The following COL26A1 variants were observed in gnomAD, a reference collection of about 807,000 sequenced individuals.
The protein encoded by COL26A1 is collagen alpha-1(XXVI) chain.
Under a neutral mutation model 59.3 loss-of-function variants are expected in COL26A1, and 41 were observed. The observed-to-expected ratio is 0.69, with a 90% confidence interval of 0.54 to 0.90. COL26A1 has a LOEUF of 0.90. COL26A1 is among the 40% of genes least tolerant of loss of function. The pLI is 0.00. For synonymous variants in COL26A1, 266 were observed against 256.0 expected (o/e 1.04, Z -0.37); for missense variants, 612 against 602.3 (o/e 1.02, Z -0.17).
intron 1 of COL26A1, among the ~76,000 whole-genome samples, chr7:101,377,906 T>A (rs920647795): frequency 2.0e-5 from 3 of 152,202 alleles, no homozygotes; most frequent in African/African-American, 7.2e-5. Flanking sequence ...TTTTAAATTT[T>A]AATTTTTTTA....
chr7:101,385,227 C>CTATATATATATATATATAT, intron 1 of COL26A1, among the ~76,000 whole-genome samples: 1 of 139,402 alleles, frequency 7.2e-6, no homozygotes, highest in African/African-American at 2.6e-5. Flanking sequence ...CACACACACA[C>CTATATATATATATATATAT]ACACTATATA....
intron 1 of COL26A1, among the ~76,000 whole-genome samples, chr7:101,386,671 G>A (rs555273685): frequency 3.2e-4 from 48 of 152,250 alleles, no homozygotes; most frequent in African/African-American, 1.1e-3. Flanking sequence ...GGACCCACTG[G>A]GACAGCGCTG....
At chr7:101,536,954 T>A (rs1397172674) in intron 4 of COL26A1, among the ~76,000 whole-genome samples, 1 of 152,186 alleles carries the variant, frequency 6.6e-6, no homozygotes, top group Non-Finnish European at 1.5e-5. Flanking sequence ...TTACGTTTCA[T>A]GAGCCTGTGC....
At chr7:101,486,038 T>G (rs1423596156) in intron 3 of COL26A1, among the ~76,000 whole-genome samples, 1 of 152,024 alleles carries the variant, frequency 6.6e-6, no homozygotes, top group African/African-American at 2.4e-5. Flanking sequence ...CTGGGCACGG[T>G]GACGGGCACC....
intron 3 of COL26A1, among the ~76,000 whole-genome samples, chr7:101,504,516 C>T (rs1794767129): frequency 6.6e-6 from 1 of 152,176 alleles, no homozygotes; most frequent in Non-Finnish European, 1.5e-5. Flanking sequence ...CCTCGCTCCT[C>T]TCCACTCCAG....
At chr7:101,458,122 C>T (rs1793522112) in intron 3 of COL26A1, among the ~76,000 whole-genome samples, 1 of 152,024 alleles carries the variant, frequency 6.6e-6, no homozygotes, top group African/African-American at 2.4e-5. Context: ...TCTTAAACTC[C>T]TGAGCTCAAG....
chr7:101,531,959 T>G (rs1795379494), intron 3 of COL26A1, among the ~76,000 whole-genome samples: 1 of 152,048 alleles, frequency 6.6e-6, no homozygotes, highest in African/African-American at 2.4e-5. Flanking sequence ...GAGTGGGAGC[T>G]ATTCAGTTAC....
intron 1 of COL26A1, among the ~76,000 whole-genome samples, chr7:101,403,446 G>A (rs1792060175): frequency 6.6e-6 from 1 of 152,108 alleles, no homozygotes. Context: ...TTGAGCCTGG[G>A]AGGCAGAAGT....
chr7:101,555,556 G>A (rs929460495), intron 11 of COL26A1, among the ~76,000 whole-genome samples: 1 of 152,136 alleles, frequency 6.6e-6, no homozygotes, highest in Non-Finnish European at 1.5e-5. Flanking sequence ...CCGTGGGGAG[G>A]TTGCCTGCCC....
At position 101,498,415 on chromosome 7, in the gene COL26A1, A is replaced by G. The variant is rs185881966; in HGVS notation, c.386-34667A>G. 4.2e-3 allele frequency among the ~76,000 whole-genome samples: 633 copies of G among 152,264 alleles called. 4 individuals are homozygous for G. Among genetic ancestry groups the G allele is most frequent in the Middle Eastern group, 6.8e-3 (2 of 294 alleles). On this transcript the variant is annotated intron_variant, in intron 3 of 12. Transcript: ENST00000313669. ...AACATCCTGCCTTTGGGGACCTCAG[A>G]GTTACACCAGAATGATAGAGAGAGG...
intron 2 of COL26A1, among the ~76,000 whole-genome samples, chr7:101,442,233 A>G (rs1042803513): frequency 1.6e-5 from 1 of 60,768 alleles, no homozygotes; most frequent in African/African-American, 4.4e-5. Context: ...TTTAATCTAA[A>G]CAAAAGCTCT....
chr7:101,440,934 G>A lies in COL26A1; in HGVS notation c.282-6750G>A, dbSNP rs150545223. ...AGAAGTTGCAGTGAGCCACGATTGC[G>A]CCACTGCACTCCAGCCTGGCGACAG... On this transcript the variant is annotated intron_variant, in intron 2 of 12. Coordinates refer to ENST00000313669, the MANE Select transcript of COL26A1 (RefSeq NM_001278563.3). Among the ~76,000 whole-genome samples the A allele has an allele frequency of 3.7e-3, 550 of 149,252 alleles. 1 individual carries two copies. Among genetic ancestry groups the A allele is most frequent in the African/African-American group, 0.013 (525 of 40,682 alleles).
Position 101,463,808 on chromosome 7 carries a change from T to C in COL26A1, c.385+16021T>C, listed in dbSNP as rs192011022. On this transcript the variant is annotated intron_variant, in intron 3 of 12. Coordinates refer to ENST00000313669, the MANE Select transcript of COL26A1 (RefSeq NM_001278563.3). ...TTCTTCCTTTCTTTCTCTCTCTCTT[T>C]CTTCCCTCCCTCCCTTCCTTCCTCC... is the stretch of plus-strand genomic sequence containing the variant. Among the ~76,000 whole-genome samples the C allele has an allele frequency of 4.1e-3, 528 of 129,952 alleles. 5 individuals carry two copies. Among genetic ancestry groups the C allele is most frequent in the Middle Eastern group, 0.012 (3 of 254 alleles). The allele number at this position is 129,952 out of a possible 152,430, so 85.3% of individuals were successfully genotyped here.
intron 3 of COL26A1, among the ~76,000 whole-genome samples, chr7:101,527,896 C>G (rs571178811): frequency 1.3e-5 from 2 of 152,226 alleles, no homozygotes; most frequent in Non-Finnish European, 2.9e-5. Context: ...CTCCTCTGGT[C>G]ACAGAGCCAG....
At chr7:101,409,183 C>T (rs1176222470) in intron 1 of COL26A1, among the ~76,000 whole-genome samples, 4 of 152,268 alleles carry the variant, frequency 2.6e-5, no homozygotes, top group Middle Eastern at 3.4e-3. Flanking sequence ...GGGTCTGAAC[C>T]ACACTCAACT....
chr7:101,487,095 C>T (rs533540393), intron 3 of COL26A1, among the ~76,000 whole-genome samples: 9 of 152,000 alleles, frequency 5.9e-5, no homozygotes, highest in East Asian at 1.9e-4. Flanking sequence ...AGATGCAGGG[C>T]GGGGAGGAGG....
intron 1 of COL26A1, among the ~76,000 whole-genome samples, chr7:101,365,634 G>A (rs1791026434): frequency 6.6e-6 from 1 of 151,984 alleles, no homozygotes; most frequent in Non-Finnish European, 1.5e-5. Context: ...ACGTTGGCCA[G>A]GCTGGTCTCA....
chr7:101,516,718 G>A (rs1209931248), intron 3 of COL26A1, among the ~76,000 whole-genome samples: 1 of 152,190 alleles, frequency 6.6e-6, no homozygotes, highest in Admixed American at 6.5e-5. Context: ...GGTTCAGAGA[G>A]CCGAAAAACT....
intron 1 of COL26A1, among the ~76,000 whole-genome samples, chr7:101,386,430 AT>A (rs951282028): frequency 4.0e-5 from 6 of 150,446 alleles, no homozygotes; most frequent in Non-Finnish European, 8.9e-5. Flanking sequence ...TTTAATCTTT[AT>A]TTTTTTTGAG....
Sources: gnomAD v4.1 joint callset for allele counts (sites outside exome capture counted in the v4.1 genomes callset) on GRCh38, gnomAD v4.1.1 for gene constraint, MANE v1.5 for transcripts, NCBI Gene and HGNC (gene_info 2026-07-23, HGNC 2026-07-21) for gene names.